Variants in TTC23 observed in about 807,000 individuals in gnomAD.
TTC23 encodes tetratricopeptide repeat protein 23.
In TTC23, 58 loss-of-function variants were observed where a neutral mutation model predicts 55.1. That is an observed-to-expected ratio of 1.05 (90% CI 0.85 to 1.31). The LOEUF (loss-of-function observed/expected upper bound fraction) is 1.31. TTC23 is among the 50% of genes most tolerant of loss of function. TTC23 has a pLI of 0.00. For synonymous variants in TTC23, 203 were observed against 199.9 expected (o/e 1.02, Z -0.13); for missense variants, 516 against 534.4 (o/e 0.97, Z 0.34).
chr15:99,233,244 AAT>A (rs1434271299), intron 4 of TTC23, among the ~76,000 whole-genome samples: 2 of 152,252 alleles, frequency 1.3e-5, no homozygotes, highest in African/African-American at 4.8e-5. Flanking sequence ...AAAAGTGATA[AAT>A]ATGTGAGGTA....
At chr15:99,199,261 T>C (rs188197873) in intron 9 of TTC23, among the ~76,000 whole-genome samples, 1 of 152,108 alleles carries the variant, frequency 6.6e-6, no homozygotes, top group Admixed American at 6.5e-5. Flanking sequence ...AGCCCCTTAA[T>C]TGCATGGGTC....
intron 10 of TTC23, among the ~76,000 whole-genome samples, chr15:99,172,665 T>C (rs752854003): frequency 8.5e-5 from 13 of 152,226 alleles, no homozygotes; most frequent in Non-Finnish European, 1.8e-4. Context: ...TGGGGATAAA[T>C]GTACCTATCT....
At chr15:99,180,483 G>C (rs1040698087) in intron 9 of TTC23, among the ~76,000 whole-genome samples, 1 of 152,290 alleles carries the variant, frequency 6.6e-6, no homozygotes, top group Admixed American at 6.5e-5. Context: ...TCAAGCTGTC[G>C]ACAGACACAG....
chr15:99,176,849 C>T (rs2073619545), intron 9 of TTC23, among the ~76,000 whole-genome samples: 1 of 152,166 alleles, frequency 6.6e-6, no homozygotes, highest in Non-Finnish European at 1.5e-5. Context: ...GACCCTGATC[C>T]TCTAACTTCA....
rs775645692 is a variant in TTC23 at position 99,218,742 on chromosome 15, T to C, written c.456-29A>G. 4.3e-6 allele frequency: 7 copies of C among 1,613,190 alleles called. No homozygotes were observed. In the African/African-American group the frequency reaches 9.4e-5, roughly 22 times the overall value. On this transcript the variant is annotated intron_variant, in intron 7 of 13. Transcript: ENST00000394132. ...AATTGTGTTCAGGAAATTTTCCACT[T>C]GGTTCTAGATTCTACACCCCATGTC...
intron 12 of TTC23, chr15:99,148,386 A>AAAAAAAAAAAAAAAAAAAAAAAAAC (rs2069243426): frequency 6.8e-6 from 1 of 146,456 alleles, no homozygotes; most frequent in Non-Finnish European, 1.5e-5. Context: ...AAAAAAAAAA[A>AAAAAAAAAAAAAAAAAAAAAAAAAC]AGACCTTCTT....
chr15:99,161,613 T>A, intron 11 of TTC23, 127 bp downstream of exon 11: 1 of 1,048,742 alleles, frequency 9.5e-7, no homozygotes, highest in Non-Finnish European at 1.3e-6. Context: ...CTTATTTATG[T>A]GTCCCTCTAG....
Position 99,156,246 on chromosome 15 carries a change from C to G in TTC23, c.1045G>C (p.Gly349Arg). The change falls in exon 12 of 14, where the codon GGC becomes CGC. Residue 349 changes from glycine to arginine, a missense_variant. Gly to Arg is a moderately radical substitution (Grantham distance 125, BLOSUM62 -2). Transcript: ENST00000394132. Reference sequence around the variant, plus strand: ...TCTGCCACCTCGGGACTGAAATCGCCAAATGCTTCCACTTTGGCTTCCAGG... The same window carrying G: ...TCTGCCACCTCGGGACTGAAATCGCGAAATGCTTCCACTTTGGCTTCCAGG... ...ESLEAKVEAF[G>R]DFSPEVAETY... 1 of 1,614,250 alleles carries G rather than the reference C, an allele frequency of 6.2e-7. No homozygotes were observed. Among genetic ancestry groups the G allele is most frequent in the Non-Finnish European group, 8.5e-7 (1 of 1,180,050 alleles).
At position 99,145,787 on chromosome 15, in the gene TTC23, G is replaced by C. The variant is rs1330489153; in HGVS notation, c.1144-6388C>G. On this transcript the variant is annotated intron_variant, in intron 12 of 13. Coordinates refer to ENST00000394132, the MANE Select transcript of TTC23 (RefSeq NM_001288615.3). ...CCTATGACCAGAGGACTGAGGCACT[G>C]GTGGGTGGGTAGGGAGCCTCTCATG... Among the ~76,000 whole-genome samples, 3 of 152,130 alleles carry C rather than the reference G, an allele frequency of 2.0e-5. No homozygotes were observed. The East Asian group carries it at 5.8e-4, about 29-fold the overall frequency.
At chr15:99,225,874 G>C (rs1279628316) in intron 5 of TTC23, among the ~76,000 whole-genome samples, 1 of 152,184 alleles carries the variant, frequency 6.6e-6, no homozygotes. Context: ...CCTTAACCAA[G>C]TGTTCAAGGT....
intron 8 of TTC23, among the ~76,000 whole-genome samples, chr15:99,212,312 A>G (rs1261217514): frequency 2.2e-4 from 33 of 151,992 alleles, no homozygotes; most frequent in African/African-American, 7.7e-4. Context: ...GCAATGGCAT[A>G]TGCCTGTATA....
intron 10 of TTC23, among the ~76,000 whole-genome samples, chr15:99,168,900 G>C (rs77168395): frequency 2.0e-5 from 3 of 152,166 alleles, no homozygotes; most frequent in Non-Finnish European, 4.4e-5. Flanking sequence ...CTCTGGGTCT[G>C]GAGTGTGGTA....
intron 10 of TTC23, among the ~76,000 whole-genome samples, chr15:99,167,192 CAGGAAGTCA>C (rs2072237791): frequency 6.6e-6 from 1 of 152,210 alleles, no homozygotes; most frequent in African/African-American, 2.4e-5. Flanking sequence ...TCCAGAAGGA[CAGGAAGTCA>C]TAGCCCCTTC....
intron 8 of TTC23, among the ~76,000 whole-genome samples, chr15:99,201,192 A>T (rs1433288139): frequency 6.6e-6 from 1 of 151,930 alleles, no homozygotes; most frequent in Non-Finnish European, 1.5e-5. Context: ...TTTAGAAATT[A>T]TAAGTAAAGG....
At chr15:99,167,553 G>A (rs1005387144) in intron 10 of TTC23, among the ~76,000 whole-genome samples, 48 of 152,256 alleles carry the variant, frequency 3.2e-4, no homozygotes, top group African/African-American at 1.0e-3. Context: ...CTCTCCAGAC[G>A]GCTCTGTTTG....
intron 9 of TTC23, among the ~76,000 whole-genome samples, chr15:99,183,156 A>G (rs1043832891): frequency 3.3e-5 from 5 of 152,152 alleles, no homozygotes; most frequent in Non-Finnish European, 4.4e-5. Context: ...GTCCACGCTG[A>G]GGTGGTCTCA....
rs111836146 is a variant in TTC23 at position 99,218,803 on chromosome 15, T to A, written c.456-90A>T. On this transcript the variant is annotated intron_variant, in intron 7 of 13. Coordinates refer to ENST00000394132, the MANE Select transcript of TTC23 (RefSeq NM_001288615.3). ...TTGGCTCCCATACTTCCAATCACAC[T>A]TCCTAAGTCATCCATCAGCATCAGC... 506 of 1,598,116 alleles carry A rather than the reference T, an allele frequency of 3.2e-4. 2 individuals carry two copies. In the African/African-American group the frequency reaches 5.8e-3, roughly 18 times the overall value.
Position 99,137,286 on chromosome 15 carries a change from T to C in TTC23, c.*724A>G, listed in dbSNP as rs1596149047. 6.6e-6 allele frequency: 1 copy of C among 152,346 alleles called. No individual in the cohort carries two copies. Among genetic ancestry groups the C allele is most frequent in the Non-Finnish European group, 1.5e-5 (1 of 68,112 alleles). 9.4% of individuals were successfully genotyped at this position (152,346 alleles called of 1,614,324 possible). A position where few individuals can be genotyped will look rare whatever the true frequency, so the allele number is the denominator to read the frequency against. On this transcript the variant is annotated 3_prime_UTR_variant, in exon 14 of 14. Transcript: ENST00000394132. ...TGCCAACTCAGGAAGCAGCTCCAGGTGGCATCCAGGTTTGTCCTGCCTGCA... is the reference window on the plus strand; with the variant it reads ...TGCCAACTCAGGAAGCAGCTCCAGGCGGCATCCAGGTTTGTCCTGCCTGCA...
chr15:99,189,915 G>A (rs1258791867), intron 9 of TTC23, among the ~76,000 whole-genome samples: 1 of 152,166 alleles, frequency 6.6e-6, no homozygotes, highest in Non-Finnish European at 1.5e-5. Context: ...AGTGATTCAT[G>A]CCTGTAATCC....
Sources: gnomAD v4.1 joint callset for allele counts (sites outside exome capture counted in the v4.1 genomes callset) on GRCh38, gnomAD v4.1.1 for gene constraint, MANE v1.5 for transcripts, NCBI Gene and HGNC (gene_info 2026-07-23, HGNC 2026-07-21) for gene names.